SPACA9: variants seen among roughly 807,000 people sequenced by gnomAD.
The protein encoded by SPACA9 is sperm acrosome-associated protein 9.
Under a neutral mutation model 12.5 loss-of-function variants are expected in SPACA9, and 14 were observed. The observed-to-expected ratio is 1.12, with a 90% confidence interval of 0.74 to 1.75. The LOEUF (loss-of-function observed/expected upper bound fraction) is 1.75, where lower values mean the gene tolerates loss of function less well. SPACA9 is among the 40% of genes most tolerant of loss of function. The probability of loss-of-function intolerance (pLI) is 0.00; values close to 1 mark genes in which losing one functional copy is unlikely to be tolerated. For synonymous variants in SPACA9, 111 were observed against 114.1 expected, an observed-to-expected ratio of 0.97 and a Z score of 0.17; for missense variants, 292 against 291.9, an observed-to-expected ratio of 1.00 and a Z score of 0.00.
chr9:132,883,213 CA>C (rs1476956879), intron 1 of SPACA9, among the ~76,000 whole-genome samples: 10 of 152,178 alleles, frequency 6.6e-5, no homozygotes, highest in African/African-American at 9.7e-5. Context: ...TTAACAGGGT[CA>C]GGGGGCAGTC....
Position 132,889,090 on chromosome 9 carries a change from A to G in SPACA9, c.*479A>G, listed in dbSNP as rs1844662524. The G allele has an allele frequency of 1.0e-6, 1 of 993,820 alleles. No homozygotes were observed. The highest frequency in any genetic ancestry group is 4.5e-5 in the South Asian group (1 of 22,230). The allele number at this position is 993,820 out of a possible 1,614,324, so 61.6% of individuals were successfully genotyped here. ...CGGCCCTCTTGCTTTAACTTCTAAC[A>G]TTTCCACTTCTAAGCATCAGGCTCC... is the stretch of plus-strand genomic sequence containing the variant. On this transcript the variant is annotated 3_prime_UTR_variant, in exon 4 of 4. Coordinates refer to ENST00000356311, the MANE Select transcript of SPACA9 (RefSeq NM_001316897.2).
At chr9:132,885,277 G>A (rs866293489) in intron 2 of SPACA9, among the ~76,000 whole-genome samples, 14 of 152,094 alleles carry the variant, frequency 9.2e-5, no homozygotes, top group Admixed American at 1.3e-4. Flanking sequence ...ACTTTGAGAG[G>A]CCGAGGTGAG....
chr9:132,883,526 G>A (rs1246696088), intron 1 of SPACA9, among the ~76,000 whole-genome samples: 1 of 152,124 alleles, frequency 6.6e-6, no homozygotes, highest in African/African-American at 2.4e-5. Flanking sequence ...GTGCGTGTGT[G>A]TGTGTATGCA....
intron 1 of SPACA9, among the ~76,000 whole-genome samples, chr9:132,881,956 T>C (rs1844439751): frequency 6.6e-6 from 1 of 152,198 alleles, no homozygotes; most frequent in African/African-American, 2.4e-5. Context: ...AGGAAACCAC[T>C]GTGCGTGAGT....
At chr9:132,882,680 C>T (rs113391497) in intron 1 of SPACA9, among the ~76,000 whole-genome samples, 1 of 152,214 alleles carries the variant, frequency 6.6e-6, no homozygotes, top group East Asian at 1.9e-4. Context: ...GCCTTCCCTG[C>T]CCCAGTCCAT....
rs1174178370 is a variant in SPACA9, at chr9:132,888,659, G to A, written c.*48G>A. The A allele has an allele frequency of 2.0e-6, 3 of 1,477,416 alleles. No homozygotes were observed. Among genetic ancestry groups the A allele is most frequent in the Non-Finnish European group, 2.7e-6 (3 of 1,113,208 alleles). The allele number at this position is 1,477,416 out of a possible 1,614,324, so 91.5% of individuals were successfully genotyped here. On this transcript the variant is annotated 3_prime_UTR_variant, in exon 4 of 4. Coordinates refer to ENST00000356311, the MANE Select transcript of SPACA9 (RefSeq NM_001316897.2). This position sits in a 1 kb window ranked among gnomAD's most constrained non-coding sequence, Gnocchi z 5.0. The stretch of plus-strand genomic sequence containing the variant: ...GCGGAGAGCTTTGCTGTTTAATTTG[G>A]ATTTTACTGGTTGGTCCTTTTTTCA...
rs778985067 is a variant in SPACA9, at chr9:132,889,932, T to C, written c.*1321T>C. The C allele has an allele frequency of 6.7e-7, 1 of 1,482,472 alleles. No homozygotes were observed. The highest frequency in any genetic ancestry group is 9.0e-7 in the Non-Finnish European group (1 of 1,107,910). The allele number at this position is 1,482,472 out of a possible 1,614,324, so 91.8% of individuals were successfully genotyped here. On this transcript the variant is annotated 3_prime_UTR_variant, in exon 4 of 4. Coordinates refer to ENST00000356311, the MANE Select transcript of SPACA9 (RefSeq NM_001316897.2). Reference sequence around the variant, plus strand: ...TTCTGAGCTTGCCCAAAGTAATGTCTGACTGTTGGTTTTTCCCTTCACAGG... The same window carrying C: ...TTCTGAGCTTGCCCAAAGTAATGTCCGACTGTTGGTTTTTCCCTTCACAGG...
In SPACA9 at chr9:132,883,587, C is replaced by T. The variant is rs974233337; in HGVS notation, c.-37-324C>T. On this transcript the variant is annotated intron_variant, in intron 1 of 3. Coordinates refer to ENST00000356311, the MANE Select transcript of SPACA9 (RefSeq NM_001316897.2). ...ATGTGTGTGCGTGTGTGTGTGCGCG[C>T]GTGTGTGTAGATACCCACATCTGGA... Among the ~76,000 whole-genome samples, 6 of 151,642 alleles carry T rather than the reference C, an allele frequency of 4.0e-5. No homozygotes were observed. In the East Asian group the frequency reaches 9.7e-4, roughly 24 times the overall value.
rs970298892 is a variant in SPACA9, at chr9:132,889,275, G to T, written c.*664G>T. On this transcript the variant is annotated 3_prime_UTR_variant, in exon 4 of 4. Transcript: ENST00000356311. ...GCTGCGGGCTGCAGTTTTGCAGAGGGTGATCAAGCTGGAGACCATCTGCTC... is the reference window on the plus strand; with the variant it reads ...GCTGCGGGCTGCAGTTTTGCAGAGGTTGATCAAGCTGGAGACCATCTGCTC... The T allele has an allele frequency of 2.0e-6, 2 of 986,048 alleles. No individual in the cohort carries two copies. The highest frequency in any genetic ancestry group is 2.4e-6 in the Non-Finnish European group (2 of 830,432). The allele number at this position is 986,048 out of a possible 1,614,324, so 61.1% of individuals were successfully genotyped here.
chr9:132,883,810 AG>A (rs948922476), intron 1 of SPACA9, 100 bp from the exon 2 acceptor site: 1 of 922,776 alleles, frequency 1.1e-6, no homozygotes, highest in East Asian at 2.5e-5. Context: ...CTCCAGTGAG[AG>A]GGGCCATGGG....
chr9:132,883,188 A>G (rs1844472184), intron 1 of SPACA9, among the ~76,000 whole-genome samples: 1 of 152,158 alleles, frequency 6.6e-6, no homozygotes, highest in Non-Finnish European at 1.5e-5. Flanking sequence ...GTTACTGATC[A>G]TGGCATTCCA....
upstream of SPACA9, chr9:132,878,829 T>A: frequency 1.0e-6 from 1 of 952,892 alleles, no homozygotes; most frequent in Non-Finnish European, 1.2e-6. This position sits in a 1 kb window ranked among gnomAD's most constrained non-coding sequence, Gnocchi z 4.7. Context: ...GTGACCCGAT[T>A]GCTATGGCAC....
In SPACA9 at chr9:132,889,015, C is replaced by T. The variant is rs1043430976; in HGVS notation, c.*404C>T. 8.1e-6 allele frequency: 7 copies of T among 869,456 alleles called. No homozygotes were observed. Among genetic ancestry groups the T allele is most frequent in the Non-Finnish European group, 8.4e-6 (6 of 717,758 alleles). The allele number at this position is 869,456 out of a possible 1,614,324, so 53.9% of individuals were successfully genotyped here. A position where few individuals can be genotyped will look rare whatever the true frequency, so the allele number is the denominator to read the frequency against. On this transcript the variant is annotated 3_prime_UTR_variant, in exon 4 of 4. Coordinates refer to ENST00000356311, the MANE Select transcript of SPACA9 (RefSeq NM_001316897.2). ...ATCTCCTGACCTCATGATCTACCCT[C>T]GTGATCGGCCTCCCAAAGTGCTGGG...
rs1045660956 is a variant in SPACA9 at position 132,887,184 on chromosome 9, TAGAG to T, written c.145-177_145-174del. ...ATCCATCCATCCATCCATCCATCTA[TAGAG>T]AGAGAGATACCACTATATAGAGTGG... On this transcript the variant is annotated intron_variant, in intron 2 of 3. Coordinates refer to ENST00000356311, the MANE Select transcript of SPACA9 (RefSeq NM_001316897.2). The surrounding 1 kb of genome is among the most constrained non-coding windows in gnomAD (Gnocchi z 5.4). Among the ~76,000 whole-genome samples, 87 of 151,920 alleles carry T rather than the reference TAGAG, an allele frequency of 5.7e-4. No homozygotes were observed. The highest frequency in any genetic ancestry group is 2.0e-3 in the African/African-American group (81 of 41,394).
chr9:132,880,219 T>C (rs1844365236), intron 1 of SPACA9, among the ~76,000 whole-genome samples: 1 of 152,120 alleles, frequency 6.6e-6, no homozygotes, highest in African/African-American at 2.4e-5. Context: ...CCTGGAAAAA[T>C]ACAAATCAAT....
At position 132,888,457 on chromosome 9, in the gene SPACA9, A is replaced by G; in HGVS notation, c.515A>G (p.His172Arg). Residue 172 changes from histidine to arginine, a missense_variant, in exon 4 of 4, where the codon CAC (histidine) becomes CGC (arginine). His to Arg is a conservative substitution (Grantham distance 29). Coordinates refer to ENST00000356311, the MANE Select transcript of SPACA9 (RefSeq NM_001316897.2). The surrounding 1 kb of genome is among the most constrained non-coding windows in gnomAD (Gnocchi z 5.0). The stretch of plus-strand genomic sequence containing the variant: ...CAGCACGTGAGTGAGCCCCAGGCGC[A>G]CCAGGAGAGCACCAGGGGAGCCGCT... ...VLQHVSEPQA[H>R]QESTRGAARP... The G allele has an allele frequency of 1.2e-6, 2 of 1,612,868 alleles. No individual in the cohort carries two copies. Among genetic ancestry groups the G allele is most frequent in the Non-Finnish European group, 1.7e-6 (2 of 1,179,634 alleles).
Position 132,889,971 on chromosome 9 carries a change from T to C in SPACA9, c.*1360T>C, listed in dbSNP as rs1268086603. 2.0e-6 allele frequency: 3 copies of C among 1,521,648 alleles called. No homozygotes were observed. Among genetic ancestry groups the C allele is most frequent in the Non-Finnish European group, 2.7e-6 (3 of 1,129,076 alleles). The allele number at this position is 1,521,648 out of a possible 1,614,324, so 94.3% of individuals were successfully genotyped here. A position where few individuals can be genotyped will look rare whatever the true frequency, so the allele number is the denominator to read the frequency against. ...TCCCTTCACAGGGGACGACTTAGCT[T>C]CTGTATTATTGTTGCTTCCTCAGGG... On this transcript the variant is annotated 3_prime_UTR_variant, in exon 4 of 4. Coordinates refer to ENST00000356311, the MANE Select transcript of SPACA9 (RefSeq NM_001316897.2).
At position 132,888,519 on chromosome 9, in the gene SPACA9, A is replaced by G; in HGVS notation, c.577A>G (p.Thr193Ala). Residue 193 changes from threonine to alanine, a missense_variant, in exon 4 of 4, where the codon ACT (threonine) becomes GCT (alanine). Transcript: ENST00000356311. The surrounding 1 kb of genome is among the most constrained non-coding windows in gnomAD (Gnocchi z 5.0). ...AQAIGTQPRA[T>A]KHKCRQLTKA... ...GGCCATAGGGACCCAGCCCAGGGCCACTAAACACAAGTGTAGACAGCTCAC... is the reference window on the plus strand; with the variant it reads ...GGCCATAGGGACCCAGCCCAGGGCCGCTAAACACAAGTGTAGACAGCTCAC... 1 of 1,577,872 alleles carries G rather than the reference A, an allele frequency of 6.3e-7. No homozygotes were observed.
At chr9:132,883,883 C>A in intron 1 of SPACA9, 28 bp from the exon 2 acceptor site, 1 of 1,562,676 alleles carries the variant, frequency 6.4e-7, no homozygotes, top group Non-Finnish European at 8.8e-7. Context: ...GTCCCAGGAC[C>A]TCATCACTAT....
Sources: allele counts gnomAD v4.1 joint callset (sites outside exome capture counted in the v4.1 genomes callset), GRCh38; gene constraint gnomAD v4.1.1; non-coding constraint Gnocchi (gnomAD v3.1); transcripts MANE v1.5; gene names NCBI Gene and HGNC (gene_info 2026-07-23, HGNC 2026-07-21).